Variants in STXBP5L observed in about 807,000 individuals in gnomAD.
STXBP5L encodes the protein syntaxin binding protein 5L.
Under a neutral mutation model 144.5 loss-of-function variants are expected in STXBP5L, and 65 were observed. The ratio of observed to expected loss-of-function variants is 0.45; its 90% CI spans 0.37 to 0.55. The LOEUF is 0.55. Ranked by LOEUF, STXBP5L falls within the 20% of genes least tolerant of loss-of-function variation. STXBP5L has a pLI of 0.00. For synonymous variants in STXBP5L, 505 were observed against 469.6 expected (o/e 1.08, Z -0.97); for missense variants, 1,298 against 1,405.5 (o/e 0.92, Z 1.22).
chr3:121,031,321 A>G (rs1313003077), intron 3 of STXBP5L, among the ~76,000 whole-genome samples: 1 of 152,130 alleles, frequency 6.6e-6, no homozygotes, highest in Non-Finnish European at 1.5e-5. Flanking sequence ...ACATATATGT[A>G]TATGTATATC....
intron 13 of STXBP5L, 149 bp from the exon 14 acceptor site, chr3:121,240,291 A>G: frequency 4.8e-6 from 3 of 623,178 alleles, no homozygotes; most frequent in East Asian, 5.6e-5. Flanking sequence ...CAATGAAAGA[A>G]TTAAAAGACA....
At chr3:120,927,821 A>G (rs908274977) in intron 2 of STXBP5L, among the ~76,000 whole-genome samples, 4 of 152,188 alleles carry the variant, frequency 2.6e-5, no homozygotes, top group Admixed American at 2.6e-4. Flanking sequence ...GTATGCTGCC[A>G]TTTTGGAACC....
At chr3:121,239,644 T>C (rs2049599432) in intron 13 of STXBP5L, among the ~76,000 whole-genome samples, 1 of 132,152 alleles carries the variant, frequency 7.6e-6, no homozygotes, top group South Asian at 2.4e-4. Context: ...CACTCATAGG[T>C]GGGAATTGAA....
At chr3:121,148,218 T>A (rs2045792117) in intron 7 of STXBP5L, among the ~76,000 whole-genome samples, 2 of 152,090 alleles carry the variant, frequency 1.3e-5, no homozygotes, top group South Asian at 4.1e-4. Context: ...ACAAAACAGT[T>A]ATTTGAAAAT....
At chr3:121,115,876 T>A (rs1009150456) in intron 6 of STXBP5L, among the ~76,000 whole-genome samples, 2 of 151,984 alleles carry the variant, frequency 1.3e-5, no homozygotes, top group African/African-American at 2.4e-5. Context: ...AACAACAAGA[T>A]CTCACGAGAA....
At position 121,338,701 on chromosome 3, in the gene STXBP5L, A is replaced by G. The variant is rs556591668; in HGVS notation, c.2176+20161A>G. Among the ~76,000 whole-genome samples, 17 of 151,942 alleles carry G rather than the reference A, an allele frequency of 1.1e-4. No individual in the cohort carries two copies. The South Asian group carries it at 3.5e-3, about 32-fold the overall frequency. On this transcript the variant is annotated intron_variant, in intron 20 of 26. Transcript: ENST00000471454. ...GAGGAAGGAAAGAAGGAAGGAAGGAAGGAAAATGGAGGCATTACAGCTGAT... is the reference window on the plus strand; with the variant it reads ...GAGGAAGGAAAGAAGGAAGGAAGGAGGGAAAATGGAGGCATTACAGCTGAT...
intron 22 of STXBP5L, among the ~76,000 whole-genome samples, chr3:121,386,999 G>A (rs968382621): frequency 3.4e-4 from 51 of 152,118 alleles, no homozygotes; most frequent in African/African-American, 1.2e-3. Context: ...CATAATGGTT[G>A]AACTAATTTA....
chr3:120,967,329 G>A (rs1057339449), intron 3 of STXBP5L, among the ~76,000 whole-genome samples: 2 of 152,140 alleles, frequency 1.3e-5, no homozygotes, highest in Non-Finnish European at 2.9e-5. Flanking sequence ...GTCCCAGTGA[G>A]ATTAAGCAGG....
Position 121,157,526 on chromosome 3 carries a change from A to G in STXBP5L, c.776A>G (p.His259Arg), listed in dbSNP as rs2046162251. 1 of 1,584,226 alleles carries G rather than the reference A, an allele frequency of 6.3e-7. No homozygotes were observed. The highest frequency in any genetic ancestry group is 1.9e-5 in the Admixed American group (1 of 52,726). The stretch of plus-strand genomic sequence containing the variant: ...TAGGCTATTCATTCAATTGATTGGC[A>G]TCATGAGGGCAAACAGTTCATGTGC... ...YDEAIHSIDW[H>R]HEGKQFMCSH... The change falls in exon 9 of 27, where the codon CAT (histidine) becomes CGT (arginine). Residue 259 changes from histidine to arginine, a missense_variant. His to Arg is a conservative substitution (Grantham distance 29, BLOSUM62 0). Transcript: ENST00000471454.
intron 3 of STXBP5L, among the ~76,000 whole-genome samples, chr3:121,027,513 C>A (rs1477496531): frequency 6.6e-6 from 1 of 152,030 alleles, no homozygotes; most frequent in African/African-American, 2.4e-5. Context: ...TGTTTTCCTT[C>A]CTTTTTCAGC....
At position 121,181,485 on chromosome 3, in the gene STXBP5L, G is replaced by A. The variant is rs545638607; in HGVS notation, c.877+23858G>A. On this transcript the variant is annotated intron_variant, in intron 9 of 26. Transcript: ENST00000471454. ...GCAGTGGCTAACGCCTGTAATCCCA[G>A]CACTTTGGGAGACCAAGGTGGGCAG... is the stretch of plus-strand genomic sequence containing the variant. 3.9e-5 allele frequency among the ~76,000 whole-genome samples: 6 copies of A among 152,350 alleles called. No individual in the cohort carries two copies. The East Asian group carries it at 9.6e-4, about 24-fold the overall frequency.
chr3:121,373,635 T>G (rs1309397162), intron 20 of STXBP5L, among the ~76,000 whole-genome samples: 5 of 152,116 alleles, frequency 3.3e-5, no homozygotes, highest in Non-Finnish European at 5.9e-5. Context: ...GAGCAGGTGA[T>G]CTAGCACATC....
intron 3 of STXBP5L, among the ~76,000 whole-genome samples, chr3:121,005,375 T>G (rs1185756572): frequency 1.3e-5 from 2 of 152,226 alleles, no homozygotes; most frequent in Non-Finnish European, 2.9e-5. Context: ...GTAGTTTGTA[T>G]TTCTGTGTGA....
At chr3:121,054,814 A>G (rs939268452) in intron 5 of STXBP5L, among the ~76,000 whole-genome samples, 1 of 151,938 alleles carries the variant, frequency 6.6e-6, no homozygotes, top group Non-Finnish European at 1.5e-5. Context: ...TATTTAGATC[A>G]CCATATTGAT....
intron 19 of STXBP5L, among the ~76,000 whole-genome samples, chr3:121,292,829 G>GT (rs1247372836): frequency 2.6e-5 from 4 of 152,146 alleles, no homozygotes; most frequent in Non-Finnish European, 5.9e-5. Flanking sequence ...TGGGAGCTAA[G>GT]TTATGAGGCT....
At chr3:120,992,391 C>T (rs1048960936) in intron 3 of STXBP5L, among the ~76,000 whole-genome samples, 2 of 151,962 alleles carry the variant, frequency 1.3e-5, no homozygotes, top group African/African-American at 2.4e-5. Flanking sequence ...GAACATTAGA[C>T]CTCATTCCTT....
chr3:121,329,752 C>T (rs907082326), intron 20 of STXBP5L, among the ~76,000 whole-genome samples: 25 of 151,860 alleles, frequency 1.6e-4, no homozygotes, highest in East Asian at 1.2e-3. Context: ...TCCACCTACA[C>T]GGGAGGCTGA....
chr3:120,943,289 C>T (rs1710663225), intron 2 of STXBP5L, among the ~76,000 whole-genome samples: 1 of 151,658 alleles, frequency 6.6e-6, no homozygotes, highest in South Asian at 2.1e-4. Flanking sequence ...GTACAGCTGT[C>T]TTGTAAGACT....
intron 14 of STXBP5L, among the ~76,000 whole-genome samples, chr3:121,240,789 T>C (rs2049639716): frequency 6.6e-6 from 1 of 152,156 alleles, no homozygotes; most frequent in South Asian, 2.1e-4. Context: ...GAATATTAGC[T>C]TTACAAAGGC....
Sources: gnomAD v4.1 joint callset for allele counts (sites outside exome capture counted in the v4.1 genomes callset) on GRCh38, gnomAD v4.1.1 for gene constraint, MANE v1.5 for transcripts, NCBI Gene and HGNC (gene_info 2026-07-23, HGNC 2026-07-21) for gene names.